The following KCNMB4 variants were observed in gnomAD, a reference collection of about 807,000 sequenced individuals.
KCNMB4 encodes the protein potassium calcium-activated channel subfamily M regulatory beta subunit 4.
A neutral mutation model predicts 20.7 loss-of-function variants in KCNMB4; 3 were observed. The ratio of observed to expected loss-of-function variants is 0.14; its 90% CI spans 0.07 to 0.37. The LOEUF is 0.37. KCNMB4 is among the 10% of genes least tolerant of loss of function. The pLI is 1.00. For missense variants in KCNMB4, 168 were observed against 265.9 expected, an observed-to-expected ratio of 0.63 and a Z score of 2.56; for synonymous variants, 110 against 113.4, an observed-to-expected ratio of 0.97 and a Z score of 0.19.
In KCNMB4 at chr12:70,366,932, C is replaced by T. The variant is rs1883505305; in HGVS notation, c.198C>T (p.Phe66=). Residue 66 remains phenylalanine, a synonymous_variant, in exon 1 of 3, where the codon TTC becomes TTT. Transcript: ENST00000258111. Reference sequence around the variant, plus strand: ...CGGTGCAGCAGATCGGCGAGGTGTTCGAGTGCACCTTCACCTGTGGCGCCG... The same window carrying T: ...CGGTGCAGCAGATCGGCGAGGTGTTTGAGTGCACCTTCACCTGTGGCGCCG... ...VLSVQQIGEV[F]ECTFTCGADC... 1 of 1,612,648 alleles carries T rather than the reference C, an allele frequency of 6.2e-7. No homozygotes were observed. The highest frequency in any genetic ancestry group is 8.5e-7 in the Non-Finnish European group (1 of 1,179,538).
At chr12:70,422,752 C>G (rs574636389) in intron 2 of KCNMB4, 1 of 1,288,794 alleles carries the variant, frequency 7.8e-7, no homozygotes, top group South Asian at 1.2e-5. Context: ...CAGGAAGCAT[C>G]TCCGGCAGGG....
chr12:70,413,863 T>G (rs1231550400), intron 2 of KCNMB4, among the ~76,000 whole-genome samples: 1 of 152,142 alleles, frequency 6.6e-6, no homozygotes, highest in Non-Finnish European at 1.5e-5. Context: ...AGAAAGTATA[T>G]TAAGTTTATC....
chr12:70,398,582 T>C (rs952135202), intron 1 of KCNMB4, among the ~76,000 whole-genome samples: 4 of 152,204 alleles, frequency 2.6e-5, no homozygotes, highest in Non-Finnish European at 4.4e-5. Flanking sequence ...ATGTTGTGAA[T>C]GTATTGTATA....
rs545256951 is a variant in KCNMB4 at position 70,384,196 on chromosome 12, A to G, written c.337-16013A>G. ...AAATTGAACATTTTTATATGAAAAA[A>G]GACTATATACAAAGATCAAAGATAA... On this transcript the variant is annotated intron_variant, in intron 1 of 2. Coordinates refer to ENST00000258111, the MANE Select transcript of KCNMB4 (RefSeq NM_014505.6). 7.5e-4 allele frequency among the ~76,000 whole-genome samples: 114 copies of G among 152,316 alleles called. 1 individual carries two copies. Among genetic ancestry groups the G allele is most frequent in the Admixed American group, 1.6e-3 (24 of 15,306 alleles).
intron 2 of KCNMB4, among the ~76,000 whole-genome samples, chr12:70,415,820 C>A (rs1868899640): frequency 6.6e-6 from 1 of 152,168 alleles, no homozygotes; most frequent in Admixed American, 6.5e-5. Flanking sequence ...ACCTAGAGCA[C>A]ATGCCAAGCA....
chr12:70,417,813 T>G (rs1386538991), intron 2 of KCNMB4, among the ~76,000 whole-genome samples: 2 of 152,014 alleles, frequency 1.3e-5, no homozygotes, highest in Non-Finnish European at 2.9e-5. Flanking sequence ...GAGCTCTCAC[T>G]TTGAGCTTAG....
chr12:70,428,787 C>T (rs1429446372), intron 2 of KCNMB4, among the ~76,000 whole-genome samples: 1 of 152,146 alleles, frequency 6.6e-6, no homozygotes, highest in Non-Finnish European at 1.5e-5. Context: ...AGAATATATA[C>T]ATCAATGTAT....
intron 2 of KCNMB4, chr12:70,422,574 T>C: frequency 1.8e-6 from 1 of 550,032 alleles, no homozygotes. Flanking sequence ...TGTTGTATTT[T>C]CAATGGAAGA....
intron 2 of KCNMB4, among the ~76,000 whole-genome samples, chr12:70,415,566 G>A (rs1167834670): frequency 6.6e-6 from 1 of 152,180 alleles, no homozygotes; most frequent in East Asian, 1.9e-4. Context: ...CGTTGTTGGT[G>A]GCAAAATAAT....
At chr12:70,389,763 T>C (rs572374456) in intron 1 of KCNMB4, among the ~76,000 whole-genome samples, 21 of 152,316 alleles carry the variant, frequency 1.4e-4, no homozygotes, top group African/African-American at 4.8e-4. Context: ...CTTCTCATAC[T>C]GAACTGGATG....
In KCNMB4 at chr12:70,366,939, A is replaced by G; in HGVS notation, c.205A>G (p.Thr69Ala). 6.2e-7 allele frequency: 1 copy of G among 1,612,102 alleles called. No individual in the cohort carries two copies. Among genetic ancestry groups the G allele is most frequent in the East Asian group, 2.2e-5 (1 of 44,784 alleles). Residue 69 changes from threonine to alanine, a missense_variant, in exon 1 of 3, where the codon ACC becomes GCC. Coordinates refer to ENST00000258111, the MANE Select transcript of KCNMB4 (RefSeq NM_014505.6). ...GCAGATCGGCGAGGTGTTCGAGTGC[A>G]CCTTCACCTGTGGCGCCGACTGCAG... ...VQQIGEVFECTFTCGADCRGT... is the reference protein window; with the variant it reads ...VQQIGEVFECAFTCGADCRGT...
rs1324417813 is a variant in KCNMB4 at position 70,431,832 on chromosome 12, C to G, written c.*1179C>G. ...CAAACCTTTGTTTAGGTGAGATGTA[C>G]ATCGTTAGTGGAGGAAAAACTGACA... On this transcript the variant is annotated 3_prime_UTR_variant, in exon 3 of 3. Coordinates refer to ENST00000258111, the MANE Select transcript of KCNMB4 (RefSeq NM_014505.6). The G allele has an allele frequency of 2.0e-5, 3 of 152,074 alleles. No individual in the cohort carries two copies. Among genetic ancestry groups the G allele is most frequent in the African/African-American group, 7.2e-5 (3 of 41,396 alleles). The allele number at this position is 152,074 out of a possible 1,614,324, so 9.4% of individuals were successfully genotyped here.
At chr12:70,426,570 A>G (rs915802649) in intron 2 of KCNMB4, among the ~76,000 whole-genome samples, 1 of 152,188 alleles carries the variant, frequency 6.6e-6, no homozygotes, top group Non-Finnish European at 1.5e-5. Context: ...AAGTGATTCA[A>G]ATTTGAGAAA....
intron 1 of KCNMB4, among the ~76,000 whole-genome samples, chr12:70,374,653 A>G (rs540621706): frequency 4.6e-5 from 7 of 152,312 alleles, no homozygotes; most frequent in Admixed American, 2.0e-4. Context: ...ACTAGGATAC[A>G]TTTATTTTAA....
At chr12:70,419,909 A>G (rs183638221) in intron 2 of KCNMB4, among the ~76,000 whole-genome samples, 377 of 152,052 alleles carry the variant, frequency 2.5e-3, no homozygotes, top group Non-Finnish European at 4.4e-3. Flanking sequence ...CAAAGGCACA[A>G]TGTAGGAAAA....
intron 2 of KCNMB4, among the ~76,000 whole-genome samples, chr12:70,414,242 AT>A (rs1868859804): frequency 6.6e-6 from 1 of 152,156 alleles, no homozygotes; most frequent in Admixed American, 6.5e-5. Flanking sequence ...AAAAAAAAAG[AT>A]TTTGGAAATA....
chr12:70,396,772 A>G (rs1212326771), intron 1 of KCNMB4, among the ~76,000 whole-genome samples: 1 of 152,210 alleles, frequency 6.6e-6, no homozygotes, highest in East Asian at 1.9e-4. Flanking sequence ...TCCTCCCCAA[A>G]TGAGAGACAT....
At chr12:70,388,093 C>A (rs1167728338) in intron 1 of KCNMB4, among the ~76,000 whole-genome samples, 3 of 152,012 alleles carry the variant, frequency 2.0e-5, no homozygotes, top group Admixed American at 6.6e-5. Context: ...CTTTCTATGC[C>A]TTGCTTATTT....
At chr12:70,415,127 A>C (rs1445975449) in intron 2 of KCNMB4, among the ~76,000 whole-genome samples, 1 of 152,216 alleles carries the variant, frequency 6.6e-6, no homozygotes, top group Non-Finnish European at 1.5e-5. Context: ...TAACTCATTG[A>C]ATCTGCACAA....
Sources: gnomAD v4.1 joint callset for allele counts (sites outside exome capture counted in the v4.1 genomes callset) on GRCh38, gnomAD v4.1.1 for gene constraint, MANE v1.5 for transcripts, NCBI Gene and HGNC (gene_info 2026-07-23, HGNC 2026-07-21) for gene names.